BARD1: variants seen among roughly 807,000 people sequenced by gnomAD.
BARD1 encodes BRCA1 associated RING domain 1, also known as BRCA1-associated RING domain protein 1.
In BARD1, 73 loss-of-function variants were observed where a neutral mutation model predicts 77.0. That is an observed-to-expected ratio of 0.95 (90% CI 0.79 to 1.15). The LOEUF is 1.15. Ranked by LOEUF, BARD1 falls within the 50% of genes most tolerant of loss-of-function variation. The pLI, the probability that BARD1 is intolerant of heterozygous loss-of-function variation, is 0.00. For missense variants in BARD1, 993 were observed against 938.8 expected (o/e 1.06, Z -0.75); for synonymous variants, 384 against 338.0 (o/e 1.14, Z -1.49).
intron 3 of BARD1, among the ~76,000 whole-genome samples, chr2:214,786,294 C>A (rs1188187744): frequency 6.6e-6 from 1 of 152,008 alleles, no homozygotes; most frequent in Non-Finnish European, 1.5e-5. Context: ...TCAACATTCT[C>A]ATGTCTTTAT....
chr2:214,767,749 G>A (rs1419619708), intron 5 of BARD1, 95 bp from the exon 6 acceptor site: 33 of 1,176,104 alleles, frequency 2.8e-5, no homozygotes, highest in Non-Finnish European at 3.7e-5. Flanking sequence ...AAATGTAAAC[G>A]TCAGGCAGTA....
At chr2:214,752,623 C>A in intron 6 of BARD1, 68 bp from the exon 7 acceptor site, 1 of 1,102,524 alleles carries the variant, frequency 9.1e-7, no homozygotes, top group Non-Finnish European at 1.4e-6. Flanking sequence ...TTTCAACATC[C>A]TTAATAATAT....
rs1055013757 is a variant in BARD1 at position 214,726,838 on chromosome 2, G to A, written c.*1838C>T. 1 of 228,912 alleles carries A rather than the reference G, an allele frequency of 4.4e-6. No individual in the cohort carries two copies. Among genetic ancestry groups the A allele is most frequent in the African/African-American group, 2.2e-5 (1 of 45,140 alleles). 14.2% of individuals were successfully genotyped at this position (228,912 alleles called of 1,614,324 possible). On this transcript the variant is annotated 3_prime_UTR_variant, in exon 11 of 11. Coordinates refer to ENST00000260947, the MANE Select transcript of BARD1 (RefSeq NM_000465.4). The stretch of plus-strand genomic sequence containing the variant: ...AGTCAGGGAAAAACAACAAAAAGAA[G>A]GGAGGGGTGATAAACCAAGAAAATG...
intron 4 of BARD1, among the ~76,000 whole-genome samples, chr2:214,778,793 C>T (rs555828268): frequency 1.3e-5 from 2 of 152,176 alleles, no homozygotes; most frequent in South Asian, 4.2e-4. Flanking sequence ...AAAGAACTTA[C>T]AAAACTCTGG....
chr2:214,761,304 CATTCTG>C (rs995216657), intron 6 of BARD1, among the ~76,000 whole-genome samples: 1 of 148,194 alleles, frequency 6.7e-6, no homozygotes, highest in African/African-American at 2.5e-5. Context: ...AAAAAAAAAG[CATTCTG>C]ATTACTTTTT....
intron 1 of BARD1, among the ~76,000 whole-genome samples, chr2:214,806,446 G>C (rs1185936013): frequency 1.3e-5 from 2 of 152,234 alleles, no homozygotes; most frequent in African/African-American, 4.8e-5. Flanking sequence ...GAGGCTACCA[G>C]GGCAAAGGCA....
chr2:214,808,319 G>A (rs1696372302), intron 1 of BARD1, among the ~76,000 whole-genome samples: 1 of 152,244 alleles, frequency 6.6e-6, no homozygotes, highest in Non-Finnish European at 1.5e-5. Context: ...TGAAGCAGGA[G>A]AATGGCGTGA....
At chr2:214,730,253 C>T in intron 10 of BARD1, 158 bp downstream of exon 10, 1 of 681,196 alleles carries the variant, frequency 1.5e-6, no homozygotes, top group Non-Finnish European at 2.6e-6. Context: ...TTTTACTGCT[C>T]ATCGTGATCA....
At position 214,781,210 on chromosome 2, in the gene BARD1, C is replaced by A. The variant is rs1574820102; in HGVS notation, c.664G>T (p.Ala222Ser). 6.3e-7 allele frequency: 1 copy of A among 1,592,052 alleles called. No homozygotes were observed. ...AEINQKWNLE[A>S]EKEDGEFDSK... ...TCAAATTCACCATCTTCTTTTTCTG[C>A]CTCTAAATTCCATTTTTGGTTGATT... Residue 222 changes from alanine (A) to serine (S), a missense_variant, in exon 4 of 11, where the codon GCA (alanine) becomes TCA (serine). Transcript: ENST00000260947.
intron 8 of BARD1, 150 bp downstream of exon 8, chr2:214,745,572 T>C (rs1574738441): frequency 4.2e-6 from 4 of 943,384 alleles, no homozygotes; most frequent in East Asian, 5.1e-5. Flanking sequence ...AGTTTATTAC[T>C]GAAAAAAAAT....
intron 1 of BARD1, among the ~76,000 whole-genome samples, chr2:214,806,798 CG>C (rs1167716797): frequency 7.1e-6 from 1 of 140,714 alleles, no homozygotes; most frequent in African/African-American, 2.6e-5. Flanking sequence ...TGCTTGAACC[CG>C]GGGGAAGGAG....
In BARD1 at chr2:214,809,609, A is replaced by G. The variant is rs1440761781; in HGVS notation, c.-40T>C. ...ATGAAAGGCTCCTCGCAGAGCGGGA[A>G]GCAAGGAAGCCTCGGGAAACCACAG... On this transcript the variant is annotated 5_prime_UTR_variant, in exon 1 of 11. Transcript: ENST00000260947. The G allele has an allele frequency of 6.6e-7, 1 of 1,525,470 alleles. No homozygotes were observed. The highest frequency in any genetic ancestry group is 1.2e-5 in the South Asian group (1 of 84,020). The allele number at this position is 1,525,470 out of a possible 1,614,324, so 94.5% of individuals were successfully genotyped here.
intron 3 of BARD1, 55 bp from the exon 4 acceptor site, chr2:214,781,564 G>A: frequency 1.2e-5 from 18 of 1,453,598 alleles, no homozygotes; most frequent in Non-Finnish European, 1.6e-5. Flanking sequence ...GCTCCCACAT[G>A]GAGCTCCCGA....
At chr2:214,794,207 C>T (rs918476368) in intron 2 of BARD1, among the ~76,000 whole-genome samples, 4 of 152,142 alleles carry the variant, frequency 2.6e-5, no homozygotes, top group East Asian at 3.9e-4. Context: ...GCCATGATCG[C>T]GCCACTGCAC....
intron 7 of BARD1, among the ~76,000 whole-genome samples, chr2:214,751,079 C>CTGTGTGTGTG (rs760986670): frequency 2.0e-3 from 80 of 39,410 alleles, no homozygotes; most frequent in Non-Finnish European, 3.1e-3. Flanking sequence ...CTGTGAAATT[C>CTGTGTGTGTG]TGTGTGTGTG....
chr2:214,783,748 T>G (rs775433819), intron 3 of BARD1, among the ~76,000 whole-genome samples: 1 of 152,100 alleles, frequency 6.6e-6, no homozygotes, highest in Non-Finnish European at 1.5e-5. Context: ...TTGACAAACC[T>G]AACAAAACAA....
chr2:214,770,395 A>G (rs1305432015), intron 4 of BARD1, among the ~76,000 whole-genome samples: 1 of 152,224 alleles, frequency 6.6e-6, no homozygotes, highest in Non-Finnish European at 1.5e-5. Context: ...TTATAACAGT[A>G]GCAACAGTAG....
chr2:214,767,225 T>C lies in BARD1; in HGVS notation c.1568+257A>G, dbSNP rs188330923. 1.5e-3 allele frequency among the ~76,000 whole-genome samples: 224 copies of C among 152,326 alleles called. 1 individual carries two copies. Among genetic ancestry groups the C allele is most frequent in the African/African-American group, 5.2e-3 (217 of 41,572 alleles). On this transcript the variant is annotated intron_variant, in intron 6 of 10. Transcript: ENST00000260947. Reference sequence around the variant, plus strand: ...CACATTTTTTTTATCCGATCTGTCATTGATATTTCCCAATTATTTTTGATC... The same window carrying C: ...CACATTTTTTTTATCCGATCTGTCACTGATATTTCCCAATTATTTTTGATC...
chr2:214,747,890 A>T (rs964843754), intron 7 of BARD1, among the ~76,000 whole-genome samples: 27 of 151,332 alleles, frequency 1.8e-4, no homozygotes, highest in East Asian at 3.9e-4. Flanking sequence ...AATAAAAAAT[A>T]AAAAAATTAA....
Sources: allele counts gnomAD v4.1 joint callset (sites outside exome capture counted in the v4.1 genomes callset), GRCh38; gene constraint gnomAD v4.1.1; transcripts MANE v1.5; gene names NCBI Gene and HGNC (gene_info 2026-07-23, HGNC 2026-07-21).